The following HNF1B variants were observed in gnomAD, a reference collection of about 807,000 sequenced individuals.
HNF1B encodes hepatocyte nuclear factor 1-beta.
Under a neutral mutation model 61.7 loss-of-function variants are expected in HNF1B, and 8 were observed. The ratio of observed to expected loss-of-function variants is 0.13; its 90% CI spans 0.08 to 0.23. HNF1B has a LOEUF of 0.23. HNF1B is among the 10% of genes least tolerant of loss of function. The pLI is 1.00. For synonymous variants in HNF1B, 314 were observed against 287.7 expected, an observed-to-expected ratio of 1.09 and a Z score of -0.93; for missense variants, 562 against 714.5, an observed-to-expected ratio of 0.79 and a Z score of 2.43.
At chr17:37,744,416 C>T (rs909773550) in intron 1 of HNF1B, 125 bp downstream of exon 1, 8 of 946,060 alleles carry the variant, frequency 8.5e-6, no homozygotes, top group Non-Finnish European at 1.3e-5. Context: ...AAGCAGAGCG[C>T]CCCCCGGGGG....
At position 37,687,366 on chromosome 17, in the gene HNF1B, T is replaced by G. The variant is rs1260343429; in HGVS notation, c.*6A>C. 6.2e-7 allele frequency: 1 copy of G among 1,613,982 alleles called. No individual in the cohort carries two copies. The highest frequency in any genetic ancestry group is 1.7e-5 in the Admixed American group (1 of 60,020). On this transcript the variant is annotated 3_prime_UTR_variant, in exon 9 of 9. Coordinates refer to ENST00000617811, the MANE Select transcript of HNF1B (RefSeq NM_000458.4). ...TGTTGCGCACGAAGTAAGTGGTGTGTGGGCATCACCAGGCTTGTAGAGGAC... is the reference window on the plus strand; with the variant it reads ...TGTTGCGCACGAAGTAAGTGGTGTGGGGGCATCACCAGGCTTGTAGAGGAC...
At chr17:37,724,554 A>G (rs1193066521) in intron 4 of HNF1B, among the ~76,000 whole-genome samples, 1 of 152,236 alleles carries the variant, frequency 6.6e-6, no homozygotes, top group Non-Finnish European at 1.5e-5. Flanking sequence ...TTACATTTTT[A>G]AACAGTTGAG....
chr17:37,702,932 G>A (rs897627150), intron 6 of HNF1B, among the ~76,000 whole-genome samples: 1 of 152,178 alleles, frequency 6.6e-6, no homozygotes, highest in African/African-American at 2.4e-5. Flanking sequence ...TCTGTTTCTG[G>A]GCACTGGTTC....
chr17:37,692,577 A>C (rs2032240753), intron 8 of HNF1B, among the ~76,000 whole-genome samples: 1 of 152,172 alleles, frequency 6.6e-6, no homozygotes, highest in Non-Finnish European at 1.5e-5. Flanking sequence ...TGGAAAATGG[A>C]GGCATCAAAA....
At chr17:37,688,380 A>ACACAC (rs2032055093) in intron 8 of HNF1B, among the ~76,000 whole-genome samples, 15 of 136,178 alleles carry the variant, frequency 1.1e-4, no homozygotes, top group African/African-American at 1.7e-4. Context: ...GATCCCCCCA[A>ACACAC]ACACACACAC....
intron 2 of HNF1B, among the ~76,000 whole-genome samples, chr17:37,738,655 G>A (rs1195038624): frequency 6.6e-6 from 1 of 152,172 alleles, no homozygotes; most frequent in Non-Finnish European, 1.5e-5. Flanking sequence ...TTATTCATAG[G>A]CAGTTCAAAC....
At chr17:37,712,537 C>T (rs1296664178) in intron 4 of HNF1B, among the ~76,000 whole-genome samples, 2 of 152,092 alleles carry the variant, frequency 1.3e-5, no homozygotes, top group African/African-American at 4.8e-5. Flanking sequence ...AGATTTGAAC[C>T]TTATGAGCTC....
intron 4 of HNF1B, among the ~76,000 whole-genome samples, chr17:37,725,281 G>C (rs1287888631): frequency 6.6e-6 from 1 of 152,200 alleles, no homozygotes; most frequent in East Asian, 1.9e-4. Flanking sequence ...GGATCCTTCA[G>C]GCGGATTAGG....
chr17:37,719,805 GA>G (rs1190570143), intron 4 of HNF1B, among the ~76,000 whole-genome samples: 1 of 152,246 alleles, frequency 6.6e-6, no homozygotes, highest in East Asian at 1.9e-4. Flanking sequence ...CCTTAGAAAA[GA>G]GAGGTTTTCC....
chr17:37,694,723 T>C (rs755486404), intron 8 of HNF1B, among the ~76,000 whole-genome samples: 14 of 152,158 alleles, frequency 9.2e-5, no homozygotes, highest in Non-Finnish European at 1.9e-4. Context: ...CTTGGCTGCA[T>C]TGTGTCCATA....
chr17:37,702,823 A>G (rs1043412371), intron 6 of HNF1B, among the ~76,000 whole-genome samples: 13 of 152,176 alleles, frequency 8.5e-5, no homozygotes, highest in African/African-American at 3.1e-4. Context: ...CTTATTTTCA[A>G]TGCAGTCTGT....
chr17:37,692,318 G>A (rs2032231883), intron 8 of HNF1B, among the ~76,000 whole-genome samples: 1 of 152,202 alleles, frequency 6.6e-6, no homozygotes, highest in African/African-American at 2.4e-5. Context: ...GCATAACCTT[G>A]GGTTGTTATT....
At chr17:37,724,919 T>C (rs1291030870) in intron 4 of HNF1B, among the ~76,000 whole-genome samples, 3 of 136,242 alleles carry the variant, frequency 2.2e-5, no homozygotes, top group African/African-American at 5.8e-5. Flanking sequence ...TGTGTGTGTG[T>C]GTGTGTGTGT....
Position 37,704,924 on chromosome 17 carries a change from A to C in HNF1B, c.1332T>G (p.Ile444Met). Residue 444 changes from isoleucine to methionine, a missense_variant, in exon 6 of 9, where the codon ATT (isoleucine) becomes ATG (methionine). Physicochemically the swap from Ile to Met is conservative, Grantham distance 10. This residue lies in a region of HNF1B where 211 missense variants were observed against 200.7 expected (regional missense o/e 1.05). Transcript: ENST00000617811. ...ACCAAGAATAGAACTTACTTTGTGCAATTGCCATGACTCCAGAGAGGGGTG... is the reference window on the plus strand; with the variant it reads ...ACCAAGAATAGAACTTACTTTGTGCCATTGCCATGACTCCAGAGAGGGGTG... ...IMTPLSGVMA[I>M]AQSLNTSQAQ... 2 of 1,614,136 alleles carry C rather than the reference A, an allele frequency of 1.2e-6. No homozygotes were observed. The highest frequency in any genetic ancestry group is 1.7e-6 in the Non-Finnish European group (2 of 1,180,024).
chr17:37,706,332 C>A (rs2032746948), intron 5 of HNF1B, among the ~76,000 whole-genome samples: 2 of 152,080 alleles, frequency 1.3e-5, no homozygotes, highest in Admixed American at 1.3e-4. Context: ...TGCTTGAGAG[C>A]ATCAGGAACC....
intron 8 of HNF1B, among the ~76,000 whole-genome samples, chr17:37,697,432 G>A (rs1221514382): frequency 6.6e-6 from 1 of 152,154 alleles, no homozygotes; most frequent in Non-Finnish European, 1.5e-5. Flanking sequence ...GTGGGGGGCT[G>A]GTGCAGCGTC....
intron 4 of HNF1B, among the ~76,000 whole-genome samples, chr17:37,711,681 A>G (rs983350654): frequency 2.0e-5 from 3 of 152,226 alleles, no homozygotes; most frequent in African/African-American, 7.2e-5. Context: ...GTGCTTAGAA[A>G]GACAGTGTTC....
In HNF1B at chr17:37,687,288, C is replaced by G. The variant is rs752987300; in HGVS notation, c.*84G>C. ...CGCAGGTGCTGGTCAGGTCACTGGG[C>G]TTTTCCATGACAGCTGCCCAGAGGG... On this transcript the variant is annotated 3_prime_UTR_variant, in exon 9 of 9. Coordinates refer to ENST00000617811, the MANE Select transcript of HNF1B (RefSeq NM_000458.4). 15 of 1,613,164 alleles carry G rather than the reference C, an allele frequency of 9.3e-6. No individual in the cohort carries two copies. Among genetic ancestry groups the G allele is most frequent in the Non-Finnish European group, 8.5e-7 (1 of 1,179,662 alleles).
At chr17:37,698,953 C>T (rs892667593) in intron 8 of HNF1B, 123 bp downstream of exon 8, 2 of 811,646 alleles carry the variant, frequency 2.5e-6, no homozygotes, top group Admixed American at 1.7e-5. Flanking sequence ...CCTTTGCAAA[C>T]AACAGGGAGC....
Sources: allele counts gnomAD v4.1 joint callset (sites outside exome capture counted in the v4.1 genomes callset), GRCh38; gene constraint gnomAD v4.1.1; regional missense constraint gnomAD v4.1.1; transcripts MANE v1.5; gene names NCBI Gene and HGNC (gene_info 2026-07-23, HGNC 2026-07-21).